ZNF804B: variants seen among roughly 807,000 people sequenced by gnomAD.
The protein encoded by ZNF804B is zinc finger protein 804B, also known as zinc finger 804B.
ZNF804B carries 80 observed loss-of-function variants against 101.4 expected under a neutral mutation model. The ratio of observed to expected loss-of-function variants is 0.79; its 90% CI spans 0.66 to 0.95. The LOEUF (loss-of-function observed/expected upper bound fraction) is 0.95. ZNF804B is among the 40% of genes least tolerant of loss of function. The pLI, the probability that ZNF804B is intolerant of heterozygous loss-of-function variation, is 0.00. For missense variants in ZNF804B, 1,673 were observed against 1,561.9 expected, an observed-to-expected ratio of 1.07 and a Z score of -1.20; for synonymous variants, 622 against 558.8, an observed-to-expected ratio of 1.11 and a Z score of -1.59.
intron 1 of ZNF804B, among the ~76,000 whole-genome samples, chr7:89,105,734 G>A (rs1790127223): frequency 6.6e-6 from 1 of 152,068 alleles, no homozygotes; most frequent in Non-Finnish European, 1.5e-5. Flanking sequence ...TATTTACCTG[G>A]AAATAGTTTC....
intron 1 of ZNF804B, among the ~76,000 whole-genome samples, chr7:88,894,934 G>A (rs1792265147): frequency 2.0e-5 from 3 of 152,050 alleles, no homozygotes; most frequent in African/African-American, 7.2e-5. Flanking sequence ...TTGACCCTAT[G>A]CATTTTTAAA....
intron 1 of ZNF804B, among the ~76,000 whole-genome samples, chr7:89,165,540 G>C (rs958083873): frequency 1.3e-5 from 2 of 152,044 alleles, no homozygotes; most frequent in African/African-American, 2.4e-5. Context: ...TTGGAAGGCA[G>C]AATCCCTTAA....
chr7:88,831,265 C>G lies in ZNF804B; in HGVS notation c.108+71181C>G, dbSNP rs535540720. On this transcript the variant is annotated intron_variant, in intron 1 of 3. Transcript: ENST00000333190. The stretch of plus-strand genomic sequence containing the variant: ...CTTTAGGTAAAGACCAACCTACTTT[C>G]TATTGCTAAGGATTTGCCTATTCTT... Among the ~76,000 whole-genome samples, 5 of 151,998 alleles carry G rather than the reference C, an allele frequency of 3.3e-5. 1 individual carries two copies. Among genetic ancestry groups the G allele is most frequent in the Admixed American group, 3.3e-4 (5 of 15,236 alleles).
intron 1 of ZNF804B, among the ~76,000 whole-genome samples, chr7:88,841,318 AC>A (rs1465039004): frequency 6.6e-6 from 1 of 152,198 alleles, no homozygotes; most frequent in African/African-American, 2.4e-5. Flanking sequence ...TAGGGTGAGG[AC>A]TTTTGGTCAC....
chr7:89,125,658 A>G (rs191151007), intron 1 of ZNF804B, among the ~76,000 whole-genome samples: 140 of 152,142 alleles, frequency 9.2e-4, no homozygotes, highest in Middle Eastern at 3.4e-3. Context: ...AGTTTTTATT[A>G]TTTCCAATGT....
chr7:89,333,250 T>A (rs145012182), intron 3 of ZNF804B, 113 bp from the exon 4 acceptor site: 1 of 1,036,488 alleles, frequency 9.6e-7, no homozygotes, highest in Non-Finnish European at 1.3e-6. Context: ...TTTTAGAAGA[T>A]GTAGCTCATA....
chr7:89,300,965 A>G (rs560479787), intron 2 of ZNF804B, among the ~76,000 whole-genome samples: 6 of 151,940 alleles, frequency 3.9e-5, no homozygotes, highest in Admixed American at 3.3e-4. Context: ...AGGTGTAAGC[A>G]TTGCACAGGG....
At chr7:89,285,260 C>CGGTG in intron 2 of ZNF804B, among the ~76,000 whole-genome samples, 1 of 151,630 alleles carries the variant, frequency 6.6e-6, no homozygotes, top group South Asian at 2.1e-4. Context: ...CGGTGGCTCA[C>CGGTG]GCCTGTAATC....
chr7:88,818,492 C>T (rs1476164078), intron 1 of ZNF804B, among the ~76,000 whole-genome samples: 5 of 152,036 alleles, frequency 3.3e-5, no homozygotes, highest in Non-Finnish European at 7.4e-5. Flanking sequence ...AATGTCCCAC[C>T]TACAATGTAG....
At chr7:89,157,805 C>G (rs1468308525) in intron 1 of ZNF804B, among the ~76,000 whole-genome samples, 1 of 152,058 alleles carries the variant, frequency 6.6e-6, no homozygotes, top group Admixed American at 6.6e-5. Flanking sequence ...GTGACCTGTA[C>G]TAGAATTCTC....
chr7:89,167,789 T>G (rs1791166289), intron 1 of ZNF804B, among the ~76,000 whole-genome samples: 1 of 152,022 alleles, frequency 6.6e-6, no homozygotes, highest in Non-Finnish European at 1.5e-5. Context: ...AAATGAGAGG[T>G]CCAAATGGTG....
Position 89,026,580 on chromosome 7 carries a change from C to A in ZNF804B, c.109-191575C>A, listed in dbSNP as rs1383111488. ...TAATGGTGACTTGACCTGGGTATAACCCTGGGTGTGGTGAGAAAAGGATAA... is the reference window on the plus strand; with the variant it reads ...TAATGGTGACTTGACCTGGGTATAAACCTGGGTGTGGTGAGAAAAGGATAA... On this transcript the variant is annotated intron_variant, in intron 1 of 3. Coordinates refer to ENST00000333190, the MANE Select transcript of ZNF804B (RefSeq NM_181646.5). Among the ~76,000 whole-genome samples the A allele has an allele frequency of 3.9e-5, 6 of 152,052 alleles. No homozygotes were observed. In the East Asian group the frequency reaches 1.2e-3, roughly 29 times the overall value.
chr7:89,001,334 A>G (rs913851034), intron 1 of ZNF804B, among the ~76,000 whole-genome samples: 2 of 151,512 alleles, frequency 1.3e-5, no homozygotes, highest in African/African-American at 4.8e-5. Context: ...CACAATGAAT[A>G]TATTCTTTTT....
At chr7:89,229,476 G>A (rs1789154160) in intron 2 of ZNF804B, among the ~76,000 whole-genome samples, 1 of 152,182 alleles carries the variant, frequency 6.6e-6, no homozygotes, top group South Asian at 2.1e-4. Context: ...GAGGAACATT[G>A]CATAATGATA....
chr7:88,876,776 C>T (rs1468913454), intron 1 of ZNF804B, among the ~76,000 whole-genome samples: 1 of 147,670 alleles, frequency 6.8e-6, no homozygotes, highest in Non-Finnish European at 1.5e-5. Flanking sequence ...GGTCACTTTC[C>T]AGGAGTTTTC....
chr7:89,130,490 A>G (rs1043522578), intron 1 of ZNF804B, among the ~76,000 whole-genome samples: 1 of 151,962 alleles, frequency 6.6e-6, no homozygotes, highest in Non-Finnish European at 1.5e-5. Context: ...CTATGATGCA[A>G]CTGACAACCA....
At chr7:88,988,957 A>T (rs1387847932) in intron 1 of ZNF804B, among the ~76,000 whole-genome samples, 1 of 152,086 alleles carries the variant, frequency 6.6e-6, no homozygotes, top group African/African-American at 2.4e-5. Flanking sequence ...TTTGCAAAAT[A>T]CTGATGCCCA....
chr7:89,060,017 T>C (rs1789354631), intron 1 of ZNF804B, among the ~76,000 whole-genome samples: 1 of 152,120 alleles, frequency 6.6e-6, no homozygotes, highest in South Asian at 2.1e-4. Context: ...CTCCAGGACT[T>C]ACACCAGTGG....
intron 1 of ZNF804B, among the ~76,000 whole-genome samples, chr7:88,814,774 A>G (rs933103251): frequency 2.6e-5 from 4 of 152,110 alleles, no homozygotes; most frequent in Non-Finnish European, 5.9e-5. Flanking sequence ...GTAAACTCTG[A>G]CATCCAATAA....
Sources: gnomAD v4.1 joint callset for allele counts (sites outside exome capture counted in the v4.1 genomes callset) on GRCh38, gnomAD v4.1.1 for gene constraint, MANE v1.5 for transcripts, NCBI Gene and HGNC (gene_info 2026-07-23, HGNC 2026-07-21) for gene names.